The following CRB1 variants were observed in gnomAD, a reference collection of about 807,000 sequenced individuals.
CRB1 encodes protein crumbs homolog 1.
Under a neutral mutation model 120.0 loss-of-function variants are expected in CRB1, and 83 were observed. The ratio of observed to expected loss-of-function variants is 0.69; its 90% CI spans 0.58 to 0.83. CRB1 has a LOEUF of 0.83. Ranked by LOEUF, CRB1 falls within the 40% of genes least tolerant of loss-of-function variation. The pLI is 0.00. For synonymous variants in CRB1, 625 were observed against 612.5 expected (o/e 1.02, Z -0.30); for missense variants, 1,699 against 1,687.6 (o/e 1.01, Z -0.12).
At chr1:197,454,704 C>G (rs1438389656) in intron 11 of CRB1, among the ~76,000 whole-genome samples, 1 of 152,154 alleles carries the variant, frequency 6.6e-6, no homozygotes, top group Non-Finnish European at 1.5e-5. Context: ...CTAACCAAAT[C>G]ATGCAGCATT....
At chr1:197,366,000 G>A (rs1351831279) in intron 5 of CRB1, among the ~76,000 whole-genome samples, 1 of 152,006 alleles carries the variant, frequency 6.6e-6, no homozygotes, top group Non-Finnish European at 1.5e-5. Flanking sequence ...AAGTCCCTAT[G>A]TAACATTTGT....
chr1:197,260,259 TAAAC>T, the CRB1 span, among the ~76,000 whole-genome samples: 16 of 151,788 alleles, frequency 1.1e-4, no homozygotes, highest in African/African-American at 3.6e-4. Context: ...AAGGTTTAAT[TAAAC>T]AAAATTTTTT....
At chr1:197,247,663 G>A in the CRB1 span, among the ~76,000 whole-genome samples, 1 of 152,058 alleles carries the variant, frequency 6.6e-6, no homozygotes, top group African/African-American at 2.4e-5. Flanking sequence ...CCACAGGAAA[G>A]ACAGAGAAAA....
intron 2 of CRB1, among the ~76,000 whole-genome samples, chr1:197,342,047 T>C (rs1043702412): frequency 6.6e-6 from 1 of 152,200 alleles, no homozygotes; most frequent in Non-Finnish European, 1.5e-5. Context: ...ATGACTAGCA[T>C]GTAGAATGAT....
intron 5 of CRB1, among the ~76,000 whole-genome samples, chr1:197,414,911 A>T (rs1365426532): frequency 2.6e-5 from 4 of 152,170 alleles, no homozygotes; most frequent in Admixed American, 2.0e-4. Flanking sequence ...TAAAAGCATA[A>T]ATCGCTGTTT....
intron 5 of CRB1, among the ~76,000 whole-genome samples, chr1:197,363,302 T>G (rs1660878110): frequency 6.6e-6 from 1 of 152,144 alleles, no homozygotes. Context: ...CCTCCCCACC[T>G]TAGGCCTCAA....
chr1:197,340,003 G>GAATATGTGCT (rs1024517129), intron 2 of CRB1, among the ~76,000 whole-genome samples: 1 of 152,110 alleles, frequency 6.6e-6, no homozygotes, highest in Non-Finnish European at 1.5e-5. Flanking sequence ...AAATATTCAA[G>GAATATGTGCT]AATATGTGCT....
the CRB1 span, among the ~76,000 whole-genome samples, chr1:197,260,897 A>G: frequency 7.6e-4 from 115 of 152,204 alleles, 2 homozygotes; most frequent in East Asian, 0.022. Context: ...GGGTTTCACC[A>G]TATTGGCCAG....
chr1:197,201,540 G>A, the CRB1 span, among the ~76,000 whole-genome samples: 1 of 152,334 alleles, frequency 6.6e-6, no homozygotes, highest in East Asian at 1.9e-4. Context: ...CGCCGAATCC[G>A]TTACTCCGGG....
At chr1:197,395,762 A>G (rs571880254) in intron 5 of CRB1, among the ~76,000 whole-genome samples, 25 of 152,316 alleles carry the variant, frequency 1.6e-4, no homozygotes, top group South Asian at 6.2e-4. Flanking sequence ...GATCATCTCC[A>G]TAGATACAGA....
intron 5 of CRB1, among the ~76,000 whole-genome samples, chr1:197,371,102 C>T (rs754610628): frequency 1.1e-4 from 16 of 152,168 alleles, no homozygotes; most frequent in Non-Finnish European, 1.9e-4. Flanking sequence ...GTTGTCTTAA[C>T]CACTTTTTTT....
chr1:197,429,250 C>A, intron 7 of CRB1, 199 bp from the exon 8 acceptor site: 4 of 1,376,864 alleles, frequency 2.9e-6, no homozygotes, highest in South Asian at 2.8e-5. Flanking sequence ...TCTCTGCCAC[C>A]ACTCTGCCCT....
rs564784639 is a variant in CRB1 at position 197,328,173 on chromosome 1, T to A, written c.71-249T>A. On this transcript the variant is annotated intron_variant, in intron 1 of 11. Transcript: ENST00000367400. ...ATTATAATTTAAAATATCCTATAAC[T>A]TCTTTCTGTGTCCATTTAAGTCTTG... Among the ~76,000 whole-genome samples, 3 of 152,330 alleles carry A rather than the reference T, an allele frequency of 2.0e-5. No individual in the cohort carries two copies. In the South Asian group the frequency reaches 6.2e-4, roughly 32 times the overall value.
intron 5 of CRB1, among the ~76,000 whole-genome samples, chr1:197,418,481 G>A (rs946701619): frequency 3.9e-5 from 6 of 152,104 alleles, no homozygotes; most frequent in Non-Finnish European, 7.4e-5. Flanking sequence ...ATATGTCCAC[G>A]GTTTTCACAG....
intron 1 of CRB1, among the ~76,000 whole-genome samples, chr1:197,298,330 G>T (rs1656660052): frequency 6.6e-6 from 1 of 152,008 alleles, no homozygotes; most frequent in African/African-American, 2.4e-5. Context: ...GATGTATATG[G>T]ATGTAGATAA....
In CRB1 at chr1:197,347,382, C is replaced by A; in HGVS notation, c.891C>A (p.His297Gln). 1.9e-6 allele frequency: 3 copies of A among 1,613,940 alleles called. No individual in the cohort carries two copies. Among genetic ancestry groups the A allele is most frequent in the Non-Finnish European group, 2.5e-6 (3 of 1,179,816 alleles). The change falls in exon 4 of 12, where the codon CAC (histidine) becomes CAA (glutamine). Residue 297 changes from histidine (H) to glutamine (Q), a missense_variant. His to Gln is a conservative substitution (Grantham distance 24). Coordinates refer to ENST00000367400, the MANE Select transcript of CRB1 (RefSeq NM_201253.3). ...NCTGSGFTGT[H>Q]CETLMPLCWS... ...CGGGTAGTGGATTCACAGGGACACA[C>A]TGTGAGACCTTGATGCCTCTTTGTT...
chr1:197,399,029 T>C (rs1215794096), intron 5 of CRB1, among the ~76,000 whole-genome samples: 2 of 151,976 alleles, frequency 1.3e-5, no homozygotes, highest in Non-Finnish European at 2.9e-5. Flanking sequence ...TCTCCATGTA[T>C]TTCTCTATGT....
intron 5 of CRB1, among the ~76,000 whole-genome samples, chr1:197,377,050 TA>T (rs1661687047): frequency 6.6e-6 from 1 of 152,146 alleles, no homozygotes. Flanking sequence ...TTTAAATCTT[TA>T]TTCAAAGACC....
At position 197,427,863 on chromosome 1, in the gene CRB1, A is replaced by T. The variant is rs139040133; in HGVS notation, c.2538A>T (p.Gly846=). The part of the protein sequence containing the change: ...PDKQETELNG[G]FFKGCIQDVR... ...AGCAAGAGACTGAACTTAATGGTGG[A>T]TTCTTCAAAGGCTGTATCCAAGATG... Residue 846 remains glycine, a synonymous_variant, in exon 7 of 12, where the codon GGA becomes GGT. Coordinates refer to ENST00000367400, the MANE Select transcript of CRB1 (RefSeq NM_201253.3). 342 of 1,613,926 alleles carry T rather than the reference A, an allele frequency of 2.1e-4. 1 individual carries two copies. Among genetic ancestry groups the T allele is most frequent in the Admixed American group, 4.7e-4 (28 of 59,972 alleles).
Sources: gnomAD v4.1 joint callset for allele counts (sites outside exome capture counted in the v4.1 genomes callset) on GRCh38, gnomAD v4.1.1 for gene constraint, MANE v1.5 for transcripts, NCBI Gene and HGNC (gene_info 2026-07-23, HGNC 2026-07-21) for gene names.